Variants in TXNRD3 observed in about 807,000 individuals in gnomAD.
TXNRD3 encodes thioredoxin reductase 3.
A neutral mutation model predicts 78.2 loss-of-function variants in TXNRD3; 68 were observed. That is an observed-to-expected ratio of 0.87 (90% CI 0.72 to 1.06). The LOEUF is 1.06. Among genes scored for constraint, TXNRD3 ranks in the 50% least tolerant of loss-of-function variants. The pLI is 0.00. For synonymous variants in TXNRD3, 296 were observed against 300.1 expected (o/e 0.99, Z 0.14); for missense variants, 751 against 809.5 (o/e 0.93, Z 0.88).
chr3:126,617,494 G>A (rs922832458), intron 12 of TXNRD3, among the ~76,000 whole-genome samples: 8 of 152,180 alleles, frequency 5.3e-5, no homozygotes, highest in Non-Finnish European at 8.8e-5. Context: ...GCCTTGGCAG[G>A]TACCTGGGGG....
At chr3:126,640,094 C>CT (rs747114940) in intron 6 of TXNRD3, among the ~76,000 whole-genome samples, 893 of 14,310 alleles carry the variant, frequency 0.062, 365 homozygotes, top group African/African-American at 0.14. Flanking sequence ...CTTGTGTTTT[C>CT]TTTTTTTTTT....
In TXNRD3 at chr3:126,620,071, G is replaced by A. The variant is rs577932235; in HGVS notation, c.1524+1671C>T. Among the ~76,000 whole-genome samples, 7 of 152,198 alleles carry A rather than the reference G, an allele frequency of 4.6e-5. 1 individual carries two copies. Among genetic ancestry groups the A allele is most frequent in the South Asian group, 4.1e-4 (2 of 4,822 alleles). Reference sequence around the variant, plus strand: ...AGCACTTTGGGAGGCTGAGGCAGGCGGATCACGAGGTTAGGAGATTGAGAC... The same window carrying A: ...AGCACTTTGGGAGGCTGAGGCAGGCAGATCACGAGGTTAGGAGATTGAGAC... On this transcript the variant is annotated intron_variant, in intron 12 of 15. Coordinates refer to ENST00000524230, the MANE Select transcript of TXNRD3 (RefSeq NM_052883.3).
intron 15 of TXNRD3, 87 bp from the exon 16 acceptor site, chr3:126,608,060 C>G: frequency 9.5e-7 from 1 of 1,049,164 alleles, no homozygotes; most frequent in South Asian, 2.0e-5. Context: ...TTATGCTATT[C>G]TTTAAAATAT....
At chr3:126,637,238 C>T (rs2107622019) in intron 6 of TXNRD3, among the ~76,000 whole-genome samples, 1 of 152,230 alleles carries the variant, frequency 6.6e-6, no homozygotes, top group South Asian at 2.1e-4. Context: ...TTTTTATACT[C>T]AATTTGTGGC....
At chr3:126,653,131 T>C (rs1021045322) in intron 1 of TXNRD3, among the ~76,000 whole-genome samples, 7 of 152,268 alleles carry the variant, frequency 4.6e-5, no homozygotes, top group Non-Finnish European at 1.0e-4. Flanking sequence ...ATATTAGACA[T>C]GTTTTGGGTC....
chr3:126,639,601 A>G (rs1933006832), intron 6 of TXNRD3, among the ~76,000 whole-genome samples: 1 of 152,152 alleles, frequency 6.6e-6, no homozygotes, highest in Non-Finnish European at 1.5e-5. Flanking sequence ...ACAAGATCTC[A>G]TTCTGTTGCA....
At position 126,646,193 on chromosome 3, in the gene TXNRD3, A is replaced by G; in HGVS notation, c.332T>C (p.Leu111Pro). The change falls in exon 3 of 16, where the codon CTG becomes CCG. Residue 111 changes from leucine to proline, a missense_variant. Transcript: ENST00000524230. ...AGTTTTCTGATTAGTGATTTCTGAC[A>G]GCACTTCTTGAACCCTGGCCCCATC... 6.5e-7 allele frequency: 1 copy of G among 1,534,928 alleles called. No individual in the cohort carries two copies. Among genetic ancestry groups the G allele is most frequent in the Non-Finnish European group, 8.7e-7 (1 of 1,146,538 alleles).
In TXNRD3 at chr3:126,607,930, A is replaced by C; in HGVS notation, c.1907T>G (p.Ile636Ser). The C allele has an allele frequency of 1.3e-6, 2 of 1,514,126 alleles. No individual in the cohort carries two copies. The allele number at this position is 1,514,126 out of a possible 1,614,324, so 93.8% of individuals were successfully genotyped here. ...CTAGCCTCAGCAGCCTTTCTGAGTG[A>C]TGTCTAGTCCTGACGACTTTGTGAT... is the stretch of plus-strand genomic sequence containing the variant. The change falls in exon 16 of 16, where the codon ATC (isoleucine) becomes AGC (serine). Residue 636 changes from isoleucine (I) to serine (S), a missense_variant. Coordinates refer to ENST00000524230, the MANE Select transcript of TXNRD3 (RefSeq NM_052883.3).
chr3:126,634,450 A>C (rs1032811405), intron 6 of TXNRD3, among the ~76,000 whole-genome samples: 1 of 152,194 alleles, frequency 6.6e-6, no homozygotes, highest in Non-Finnish European at 1.5e-5. Flanking sequence ...TGAGCTTGGT[A>C]CACTCACCTC....
At chr3:126,654,710 C>G in intron 1 of TXNRD3, 38 bp downstream of exon 1, 1 of 1,238,472 alleles carries the variant, frequency 8.1e-7, no homozygotes, top group Middle Eastern at 3.0e-4. Context: ...GTGGCGGGCC[C>G]GGTCGCGCGC....
intron 12 of TXNRD3, among the ~76,000 whole-genome samples, chr3:126,620,307 A>T (rs1295724673): frequency 6.6e-6 from 1 of 151,890 alleles, no homozygotes; most frequent in African/African-American, 2.4e-5. Context: ...AAAAAAAAAA[A>T]AAAAAAAAAT....
intron 6 of TXNRD3, among the ~76,000 whole-genome samples, chr3:126,641,790 T>C (rs1933095167): frequency 6.6e-6 from 1 of 152,232 alleles, no homozygotes; most frequent in Admixed American, 6.5e-5. Context: ...TTACTTAATC[T>C]TTTACATTCT....
chr3:126,649,877 A>G (rs1251158830), intron 1 of TXNRD3, among the ~76,000 whole-genome samples: 2 of 152,256 alleles, frequency 1.3e-5, no homozygotes, highest in Non-Finnish European at 2.9e-5. Flanking sequence ...TAATGGGTAT[A>G]GAATTTCAGT....
chr3:126,622,612 C>G (rs1304531774), intron 10 of TXNRD3, 72 bp from the exon 11 acceptor site: 5 of 1,103,180 alleles, frequency 4.5e-6, no homozygotes, highest in Non-Finnish European at 6.5e-6. Context: ...CACTATAGAT[C>G]CTTCAGACAT....
intron 6 of TXNRD3, among the ~76,000 whole-genome samples, chr3:126,637,271 A>G (rs1932931568): frequency 6.6e-6 from 1 of 152,088 alleles, no homozygotes; most frequent in Admixed American, 6.6e-5. Flanking sequence ...CTGTAGTTAT[A>G]CTTCTTTTCT....
At chr3:126,637,945 T>C (rs1407237116) in intron 6 of TXNRD3, among the ~76,000 whole-genome samples, 2 of 115,572 alleles carry the variant, frequency 1.7e-5, no homozygotes, top group Non-Finnish European at 3.6e-5. Context: ...TTTTTTTTTT[T>C]TTTTTTTTTT....
intron 2 of TXNRD3, among the ~76,000 whole-genome samples, chr3:126,646,630 T>C (rs1389605453): frequency 6.6e-6 from 1 of 152,158 alleles, no homozygotes; most frequent in Non-Finnish European, 1.5e-5. Context: ...ATAAAACTGG[T>C]CCATCACTAC....
intron 12 of TXNRD3, among the ~76,000 whole-genome samples, chr3:126,616,923 C>T (rs574580928): frequency 6.6e-6 from 1 of 152,280 alleles, no homozygotes; most frequent in South Asian, 2.1e-4. Flanking sequence ...TTTCTTTTCC[C>T]AACATGGCTG....
intron 1 of TXNRD3, among the ~76,000 whole-genome samples, chr3:126,648,355 C>G (rs1315172670): frequency 6.6e-6 from 1 of 151,984 alleles, no homozygotes; most frequent in Non-Finnish European, 1.5e-5. Context: ...TCTTTTTTTG[C>G]AGAAATAGAA....
Sources: allele counts gnomAD v4.1 joint callset (sites outside exome capture counted in the v4.1 genomes callset), GRCh38; gene constraint gnomAD v4.1.1; transcripts MANE v1.5; gene names NCBI Gene and HGNC (gene_info 2026-07-23, HGNC 2026-07-21).